The following ADAMTS20 variants were observed in gnomAD, a reference collection of about 807,000 sequenced individuals.
The protein encoded by ADAMTS20 is ADAM metallopeptidase with thrombospondin type 1 motif 20, also known as A disintegrin and metalloproteinase with thrombospondin motifs 20.
ADAMTS20 carries 225 observed loss-of-function variants against 260.1 expected under a neutral mutation model. That is an observed-to-expected ratio of 0.87 (90% CI 0.78 to 0.97). ADAMTS20 has a LOEUF of 0.97. Ranked by LOEUF, ADAMTS20 falls within the 50% of genes least tolerant of loss-of-function variation. The pLI is 0.00. For missense variants in ADAMTS20, 2,400 were observed against 2,337.7 expected (o/e 1.03, Z -0.55); for synonymous variants, 802 against 769.5 (o/e 1.04, Z -0.70).
intron 36 of ADAMTS20, among the ~76,000 whole-genome samples, chr12:43,373,782 CCA>C (rs1211758291): frequency 6.7e-6 from 1 of 149,114 alleles, no homozygotes; most frequent in Non-Finnish European, 1.5e-5. Context: ...TGGGTTCACG[CCA>C]TTCTCCTGCC....
intron 7 of ADAMTS20, among the ~76,000 whole-genome samples, chr12:43,479,331 A>G (rs1175330182): frequency 6.6e-6 from 1 of 152,178 alleles, no homozygotes; most frequent in Non-Finnish European, 1.5e-5. Context: ...GTTGATTTGA[A>G]CTACACAATT....
rs547321584 is a variant in ADAMTS20, at chr12:43,551,106, C to G, written c.256G>C (p.Gly86Arg). ...FRTHYRFTAY[G>R]QLFQLNLTAD... Reference sequence around the variant, plus strand: ...GTCAGGTTCAGCTGGAAGAGCTGCCCGTAGGCAGTGAAGCGATAGTGGGTT... The same window carrying G: ...GTCAGGTTCAGCTGGAAGAGCTGCCGGTAGGCAGTGAAGCGATAGTGGGTT... The change falls in exon 2 of 39, where the codon GGG becomes CGG. Residue 86 changes from glycine to arginine, a missense_variant. Physicochemically the swap from Gly to Arg is moderately radical, Grantham distance 125 (BLOSUM62 -2). Coordinates refer to ENST00000389420, the MANE Select transcript of ADAMTS20 (RefSeq NM_025003.5). The surrounding 1 kb of genome is among the most constrained non-coding windows in gnomAD (Gnocchi z 4.6). 132 of 1,613,936 alleles carry G rather than the reference C, an allele frequency of 8.2e-5. 2 individuals carry two copies. In the East Asian group the frequency reaches 1.2e-3, roughly 15 times the overall value.
chr12:43,426,587 CTT>C (rs945409515), intron 27 of ADAMTS20, among the ~76,000 whole-genome samples: 79 of 152,278 alleles, frequency 5.2e-4, no homozygotes, highest in African/African-American at 1.9e-3. Flanking sequence ...AAAAAATTAT[CTT>C]TTTATTTCCA....
chr12:43,380,857 G>A (rs1369737955), intron 31 of ADAMTS20, among the ~76,000 whole-genome samples: 1 of 152,002 alleles, frequency 6.6e-6, no homozygotes, highest in Non-Finnish European at 1.5e-5. Flanking sequence ...AATCTCAGCT[G>A]GCTCTTACAT....
chr12:43,519,704 T>C (rs564586879), intron 3 of ADAMTS20, among the ~76,000 whole-genome samples: 9 of 152,334 alleles, frequency 5.9e-5, no homozygotes, highest in South Asian at 2.1e-4. Flanking sequence ...AAACTTTTCA[T>C]TTATTCACTC....
At chr12:43,544,491 C>A (rs1036161752) in intron 2 of ADAMTS20, among the ~76,000 whole-genome samples, 1 of 152,082 alleles carries the variant, frequency 6.6e-6, no homozygotes, top group African/African-American at 2.4e-5. Flanking sequence ...AGACACCTAG[C>A]TTTAATTTAA....
At chr12:43,467,557 C>A (rs1238150405) in intron 8 of ADAMTS20, among the ~76,000 whole-genome samples, 1 of 151,986 alleles carries the variant, frequency 6.6e-6, no homozygotes, top group Non-Finnish European at 1.5e-5. Context: ...AGGAAGAAAA[C>A]AAATATCTAA....
chr12:43,436,277 C>A (rs531449741), intron 18 of ADAMTS20, among the ~76,000 whole-genome samples: 1 of 152,024 alleles, frequency 6.6e-6, no homozygotes, highest in South Asian at 2.1e-4. Context: ...TCTGACAGGG[C>A]GAATGTGTGA....
chr12:43,453,660 T>C (rs1215033361), intron 12 of ADAMTS20, among the ~76,000 whole-genome samples: 3 of 151,304 alleles, frequency 2.0e-5, no homozygotes, highest in Non-Finnish European at 4.4e-5. Flanking sequence ...TTATACTAAA[T>C]TAAAAAACAA....
intron 2 of ADAMTS20, among the ~76,000 whole-genome samples, chr12:43,545,080 G>T (rs1943425271): frequency 6.6e-6 from 1 of 152,142 alleles, no homozygotes. Context: ...AGGAAGCACT[G>T]ATCTGCAGTA....
chr12:43,535,729 T>C (rs1029993773), intron 2 of ADAMTS20, among the ~76,000 whole-genome samples: 1 of 152,194 alleles, frequency 6.6e-6, no homozygotes, highest in African/African-American at 2.4e-5. Flanking sequence ...TCAATATAAA[T>C]GCTTTATTTT....
At chr12:43,459,153 G>A (rs1480379551) in intron 11 of ADAMTS20, among the ~76,000 whole-genome samples, 2 of 152,154 alleles carry the variant, frequency 1.3e-5, no homozygotes, top group African/African-American at 4.8e-5. Context: ...AGCTGGAGCT[G>A]AGCTTTCACT....
chr12:43,514,020 C>T (rs1942961138), intron 3 of ADAMTS20, among the ~76,000 whole-genome samples: 2 of 147,046 alleles, frequency 1.4e-5, no homozygotes, highest in South Asian at 2.2e-4. Context: ...TGTAACTAAC[C>T]TGCAGGTTGT....
chr12:43,405,241 A>C (rs893736014), intron 28 of ADAMTS20, among the ~76,000 whole-genome samples: 24 of 135,038 alleles, frequency 1.8e-4, no homozygotes, highest in Non-Finnish European at 2.9e-4. Flanking sequence ...AAAAAAAAAA[A>C]AAAAAAAAAA....
chr12:43,425,054 A>G (rs1941304655), intron 28 of ADAMTS20, among the ~76,000 whole-genome samples: 1 of 152,202 alleles, frequency 6.6e-6, no homozygotes, highest in Non-Finnish European at 1.5e-5. Flanking sequence ...CATACCATAC[A>G]TAGCACAGAA....
In ADAMTS20 at chr12:43,356,509, G is replaced by T; in HGVS notation, c.5618C>A (p.Thr1873Asn). The change falls in exon 38 of 39, where the codon ACC becomes AAC. Residue 1873 changes from threonine (T) to asparagine (N), a missense_variant. Transcript: ENST00000389420. ...CTCTGATCTTCGTATGCTGACAGAG[G>T]TATAACTCCCCTGAGTGAGCCACTT... ...TAKWLTQGSY[T>N]SVSIRRSEDG... The T allele has an allele frequency of 1.2e-6, 2 of 1,609,334 alleles. No homozygotes were observed. Among genetic ancestry groups the T allele is most frequent in the Non-Finnish European group, 1.7e-6 (2 of 1,177,678 alleles).
intron 15 of ADAMTS20, among the ~76,000 whole-genome samples, chr12:43,444,130 C>T (rs941100572): frequency 6.6e-6 from 1 of 152,090 alleles, no homozygotes; most frequent in African/African-American, 2.4e-5. Context: ...TTTCCTACTT[C>T]TAATATTCTT....
chr12:43,493,031 G>A lies in ADAMTS20; in HGVS notation c.951+139C>T, dbSNP rs1440553587. 7.5e-6 allele frequency: 5 copies of A among 662,324 alleles called. No homozygotes were observed. The Admixed American group carries it at 9.1e-5, about 12-fold the overall frequency. The allele number at this position is 662,324 out of a possible 1,614,324, so 41.0% of individuals were successfully genotyped here. On this transcript the variant is annotated intron_variant, in intron 5 of 38. Transcript: ENST00000389420. ...TTTTATTTCCATCACAACAAATAAG[G>A]GTAATCTCATTCCTTCTCAAATCAA...
intron 31 of ADAMTS20, among the ~76,000 whole-genome samples, chr12:43,380,730 A>C (rs1473958436): frequency 6.6e-6 from 1 of 152,198 alleles, no homozygotes; most frequent in Non-Finnish European, 1.5e-5. Context: ...GACACACTTG[A>C]AATAAGTTAA....
Sources: allele counts gnomAD v4.1 joint callset (sites outside exome capture counted in the v4.1 genomes callset), GRCh38; gene constraint gnomAD v4.1.1; non-coding constraint Gnocchi (gnomAD v3.1); transcripts MANE v1.5; gene names NCBI Gene and HGNC (gene_info 2026-07-23, HGNC 2026-07-21).